The following FBXO42 variants were observed in gnomAD, a reference collection of about 807,000 sequenced individuals.
The protein encoded by FBXO42 is F-box protein 42, also known as F-box only protein 42.
A neutral mutation model predicts 71.7 loss-of-function variants in FBXO42; 12 were observed. That is an observed-to-expected ratio of 0.17 (90% CI 0.11 to 0.27). The LOEUF (loss-of-function observed/expected upper bound fraction) is 0.27. FBXO42 is among the 10% of genes least tolerant of loss of function. FBXO42 has a pLI of 1.00. For missense variants in FBXO42, 707 were observed against 911.9 expected, an observed-to-expected ratio of 0.78 and a Z score of 2.89; for synonymous variants, 325 against 327.5, an observed-to-expected ratio of 0.99 and a Z score of 0.08.
chr1:16,297,988 G>A (rs936615562), intron 3 of FBXO42, among the ~76,000 whole-genome samples: 3 of 152,132 alleles, frequency 2.0e-5, no homozygotes, highest in African/African-American at 7.2e-5. Flanking sequence ...CACTTTGGGA[G>A]GCTGAGGCGG....
intron 2 of FBXO42, among the ~76,000 whole-genome samples, chr1:16,308,741 T>C (rs891401160): frequency 6.5e-5 from 3 of 46,418 alleles, no homozygotes; most frequent in African/African-American, 4.4e-4. Flanking sequence ...CCCATCTCTG[T>C]TTTTTTTTTT....
rs565632708 is a variant in FBXO42, at chr1:16,251,155, G to A, written c.1669C>T (p.Arg557Cys). ...GCTTTGATGGCTTCCAGACTCCGAC[G>A]CAGGGCACCTGGGGAGACGGCCCCT... ...LAGAVSPGAL[R>C]RSLEAIKAMS... The change falls in exon 10 of 10, where the codon CGT (arginine) becomes TGT (cysteine). Residue 557 changes from arginine to cysteine, a missense_variant. Physicochemically the swap from Arg to Cys is radical, Grantham distance 180. This residue lies in a region of FBXO42 where 482 missense variants were observed against 587.1 expected (regional missense o/e 0.82). Transcript: ENST00000375592. The surrounding 1 kb of genome is among the most constrained non-coding windows in gnomAD (Gnocchi z 4.5). The A allele has an allele frequency of 3.7e-6, 6 of 1,614,152 alleles. No homozygotes were observed. In the African/African-American group the frequency reaches 4.0e-5, roughly 11 times the overall value.
chr1:16,249,785 A>G lies in FBXO42; in HGVS notation c.*885T>C, dbSNP rs2081572985. 6.6e-6 allele frequency: 1 copy of G among 152,018 alleles called. No homozygotes were observed. Among genetic ancestry groups the G allele is most frequent in the Admixed American group, 6.5e-5 (1 of 15,276 alleles). The allele number at this position is 152,018 out of a possible 1,614,324, so 9.4% of individuals were successfully genotyped here. ...GTTTTAGGACTTCACCACATATGAA[A>G]AAAAAAAAAGAAAAGAAAAAAGGTA... On this transcript the variant is annotated 3_prime_UTR_variant, in exon 10 of 10. Transcript: ENST00000375592.
At position 16,253,729 on chromosome 1, in the gene FBXO42, C is replaced by T. The variant is rs2081613805; in HGVS notation, c.770G>A (p.Ser257Asn). The T allele has an allele frequency of 6.2e-7, 1 of 1,614,052 alleles. No individual in the cohort carries two copies. The highest frequency in any genetic ancestry group is 8.5e-7 in the Non-Finnish European group (1 of 1,179,948). Residue 257 changes from serine to asparagine, a missense_variant and splice_region_variant, in exon 7 of 10, where the codon AGC becomes AAC. By Grantham distance (46) the Ser-to-Asn change is conservative. This residue lies in a region of FBXO42 where 482 missense variants were observed against 587.1 expected (regional missense o/e 0.82). Coordinates refer to ENST00000375592, the MANE Select transcript of FBXO42 (RefSeq NM_018994.3). ...AAGGTCAAGGACCCAGACATCATTG[C>T]TCCTGTGAATTAAGGACAGAAGGAT... Reference protein sequence around the residue: ...FGGSLGSRQMSNDVWVLDLEQ... With the variant: ...FGGSLGSRQMNNDVWVLDLEQ...
At chr1:16,304,354 G>C (rs188284895) in intron 3 of FBXO42, among the ~76,000 whole-genome samples, 3 of 151,832 alleles carry the variant, frequency 2.0e-5, no homozygotes, top group Admixed American at 6.6e-5. Flanking sequence ...CCTGACCTCA[G>C]GTGATCAGCC....
chr1:16,313,374 G>GAA (rs1557597996), intron 2 of FBXO42, among the ~76,000 whole-genome samples: 270 of 139,650 alleles, frequency 1.9e-3, no homozygotes, highest in African/African-American at 7.4e-3. Flanking sequence ...GAAAGAAAGA[G>GAA]AAAAGAAAGA....
chr1:16,276,538 T>A (rs1332425650), intron 4 of FBXO42, among the ~76,000 whole-genome samples: 1 of 152,128 alleles, frequency 6.6e-6, no homozygotes, highest in African/African-American at 2.4e-5. Flanking sequence ...AGAGGGTCAT[T>A]CCTGGGAAGC....
Position 16,252,320 on chromosome 1 carries a change from C to T in FBXO42, c.1006G>A (p.Ala336Thr). ...PLKVENEEHG[A>T]PELWCHPACR... ...GCTGGATGGCACCACAGTTCTGGGG[C>T]CCCATGCTCTTCATTTTCTACCTTG... is the stretch of plus-strand genomic sequence containing the variant. The change falls in exon 9 of 10, where the codon GCC (alanine) becomes ACC (threonine). Residue 336 changes from alanine to threonine, a missense_variant. By Grantham distance (58) the Ala-to-Thr change is moderately conservative. Coordinates refer to ENST00000375592, the MANE Select transcript of FBXO42 (RefSeq NM_018994.3). This position sits in a 1 kb window ranked among gnomAD's most constrained non-coding sequence, Gnocchi z 4.4. 1 of 1,614,172 alleles carries T rather than the reference C, an allele frequency of 6.2e-7. No homozygotes were observed. The highest frequency in any genetic ancestry group is 8.5e-7 in the Non-Finnish European group (1 of 1,179,996).
chr1:16,294,822 C>G lies in FBXO42; in HGVS notation c.463G>C (p.Asp155His). The G allele has an allele frequency of 6.2e-7, 1 of 1,614,062 alleles. No homozygotes were observed. ...NAAFNDLWRL[D>H]LNSKEWIRPL... ...CGGATCCACTCTTTGCTGTTTAGGT[C>G]AAGTCTCCAGAGGTCATTGAAAGCA... Residue 155 changes from aspartate (D) to histidine (H), a missense_variant, in exon 4 of 10, where the codon GAC becomes CAC. By Grantham distance (81) the Asp-to-His change is moderately conservative. Coordinates refer to ENST00000375592, the MANE Select transcript of FBXO42 (RefSeq NM_018994.3).
intron 1 of FBXO42, among the ~76,000 whole-genome samples, chr1:16,333,361 A>C (rs2082520331): frequency 6.6e-6 from 1 of 151,672 alleles, no homozygotes. Flanking sequence ...GCCTATAATC[A>C]CAGCAACTCA....
intron 4 of FBXO42, among the ~76,000 whole-genome samples, chr1:16,286,238 TG>T (rs1259003456): frequency 1.3e-5 from 2 of 152,176 alleles, no homozygotes; most frequent in Admixed American, 6.6e-5. Context: ...TAAATCCATC[TG>T]GATTAGTCTA....
At chr1:16,314,049 GTTCAAGCAA>G (rs2082340349) in intron 2 of FBXO42, among the ~76,000 whole-genome samples, 1 of 152,144 alleles carries the variant, frequency 6.6e-6, no homozygotes, top group Non-Finnish European at 1.5e-5. Flanking sequence ...TGCCTCCTGG[GTTCAAGCAA>G]TTCTCTTGCC....
intron 1 of FBXO42, among the ~76,000 whole-genome samples, chr1:16,316,042 T>C (rs1453826702): frequency 6.6e-6 from 1 of 151,642 alleles, no homozygotes; most frequent in African/African-American, 2.4e-5. Flanking sequence ...TGGTGGCACA[T>C]GCCTGTAATC....
intron 4 of FBXO42, among the ~76,000 whole-genome samples, chr1:16,289,713 T>C (rs980562087): frequency 1.2e-4 from 18 of 152,156 alleles, no homozygotes; most frequent in African/African-American, 4.3e-4. Flanking sequence ...AAAAGTCTCC[T>C]GTTTAAAGTA....
chr1:16,282,335 C>A (rs1329414154), intron 4 of FBXO42, among the ~76,000 whole-genome samples: 1 of 151,314 alleles, frequency 6.6e-6, no homozygotes, highest in East Asian at 2.0e-4. Context: ...AAGTAATTCT[C>A]CTGCCTCAGC....
At chr1:16,310,337 G>A (rs1471961930) in intron 2 of FBXO42, among the ~76,000 whole-genome samples, 1 of 151,978 alleles carries the variant, frequency 6.6e-6, no homozygotes, top group Admixed American at 6.6e-5. Flanking sequence ...CTCCAGCCTG[G>A]GTGATGGAGT....
At chr1:16,314,677 G>C (rs1393488587) in intron 2 of FBXO42, among the ~76,000 whole-genome samples, 1 of 152,160 alleles carries the variant, frequency 6.6e-6, no homozygotes, top group Non-Finnish European at 1.5e-5. Context: ...GAGGTCAGGA[G>C]ATTGAGACTA....
At position 16,249,491 on chromosome 1, in the gene FBXO42, T is replaced by G. The variant is rs1358319524; in HGVS notation, c.*1179A>C. On this transcript the variant is annotated 3_prime_UTR_variant, in exon 10 of 10. Transcript: ENST00000375592. ...GGAAAAAAACATTTCTAAAAAGAAC[T>G]GTTATTGGAATTCCCTTCCAGAATC... 1 of 152,184 alleles carries G rather than the reference T, an allele frequency of 6.6e-6. No homozygotes were observed. Among genetic ancestry groups the G allele is most frequent in the African/African-American group, 2.4e-5 (1 of 41,440 alleles). The allele number at this position is 152,184 out of a possible 1,614,324, so 9.4% of individuals were successfully genotyped here. A position where few individuals can be genotyped will look rare whatever the true frequency, so the allele number is the denominator to read the frequency against.
At chr1:16,337,249 TTGA>T (rs759697448) in intron 1 of FBXO42, among the ~76,000 whole-genome samples, 8 of 152,130 alleles carry the variant, frequency 5.3e-5, no homozygotes, top group Non-Finnish European at 1.0e-4. Flanking sequence ...TATTCTCACC[TTGA>T]TGATGCCAGC....
Sources: allele counts gnomAD v4.1 joint callset (sites outside exome capture counted in the v4.1 genomes callset), GRCh38; gene constraint gnomAD v4.1.1; regional missense constraint gnomAD v4.1.1; non-coding constraint Gnocchi (gnomAD v3.1); transcripts MANE v1.5; gene names NCBI Gene and HGNC (gene_info 2026-07-23, HGNC 2026-07-21).